The following NSMAF variants were observed in gnomAD, a reference collection of about 807,000 sequenced individuals.
NSMAF encodes neutral sphingomyelinase activation associated factor.
A neutral mutation model predicts 134.9 loss-of-function variants in NSMAF; 90 were observed. That is an observed-to-expected ratio of 0.67 (90% CI 0.56 to 0.79). NSMAF has a LOEUF of 0.79. NSMAF is among the 30% of genes least tolerant of loss of function. The probability of loss-of-function intolerance (pLI) is 0.00; values close to 1 mark genes in which losing one functional copy is unlikely to be tolerated. For synonymous variants in NSMAF, 358 were observed against 389.6 expected (o/e 0.92, Z 0.96); for missense variants, 1,010 against 1,119.0 (o/e 0.90, Z 1.39).
chr8:58,585,985 A>G lies in NSMAF; in HGVS notation c.2462T>C (p.Leu821Pro). 6.2e-7 allele frequency: 1 copy of G among 1,613,890 alleles called. No individual in the cohort carries two copies. The highest frequency in any genetic ancestry group is 8.5e-7 in the Non-Finnish European group (1 of 1,179,836). ...TAFSPDSRHV[L>P]STGTDGCLNV... Reference sequence around the variant, plus strand: ...AAGACAGCCATCTGTTCCTGTGCTGAGGACATGGCGACTATCTGCAACACA... The same window carrying G: ...AAGACAGCCATCTGTTCCTGTGCTGGGGACATGGCGACTATCTGCAACACA... The change falls in exon 29 of 31, where the codon CTC becomes CCC. Residue 821 changes from leucine (L) to proline (P), a missense_variant. Coordinates refer to ENST00000038176, the MANE Select transcript of NSMAF (RefSeq NM_003580.4).
At chr8:58,625,750 T>G (rs1806915371) in intron 6 of NSMAF, among the ~76,000 whole-genome samples, 1 of 152,154 alleles carries the variant, frequency 6.6e-6, no homozygotes, top group African/African-American at 2.4e-5. Flanking sequence ...CACTCCATAT[T>G]TTTTGATTGG....
chr8:58,619,527 A>C (rs1159406499), intron 9 of NSMAF, among the ~76,000 whole-genome samples: 1 of 152,226 alleles, frequency 6.6e-6, no homozygotes, highest in African/African-American at 2.4e-5. Flanking sequence ...ATTCATAGAT[A>C]AGATTTTGTA....
rs543189517 is a variant in NSMAF at position 58,651,108 on chromosome 8, T to G, written c.60-8035A>C. Among the ~76,000 whole-genome samples, 114 of 152,334 alleles carry G rather than the reference T, an allele frequency of 7.5e-4. 1 individual carries two copies. Among genetic ancestry groups the G allele is most frequent in the African/African-American group, 2.7e-3 (112 of 41,596 alleles). On this transcript the variant is annotated intron_variant, in intron 1 of 30. Transcript: ENST00000038176. ...CTCCTGGCAGGTCTTTCCTTTTCAA[T>G]AGGTCTGCAGCTTTTCAACACTAGA...
intron 12 of NSMAF, 29 bp downstream of exon 12, chr8:58,605,898 A>C: frequency 6.6e-7 from 1 of 1,521,716 alleles, no homozygotes; most frequent in Middle Eastern, 1.8e-4. Context: ...AAAAAAAAAG[A>C]AAGAAACAAT....
intron 2 of NSMAF, chr8:58,637,332 G>C: frequency 2.2e-6 from 1 of 456,194 alleles, no homozygotes; most frequent in South Asian, 1.5e-5. Flanking sequence ...CTTTCAGTGG[G>C]AAGTGGTATT....
At position 58,659,824 on chromosome 8, in the gene NSMAF, A is replaced by G. The variant is rs2129149711; in HGVS notation, c.-193T>C. 1 of 298,218 alleles carries G rather than the reference A, an allele frequency of 3.4e-6. No individual in the cohort carries two copies. The highest frequency in any genetic ancestry group is 1.6e-4 in the South Asian group (1 of 6,252). The allele number at this position is 298,218 out of a possible 1,614,324, so 18.5% of individuals were successfully genotyped here. A position where few individuals can be genotyped will look rare whatever the true frequency, so the allele number is the denominator to read the frequency against. On this transcript the variant is annotated 5_prime_UTR_variant, in exon 1 of 31. The change abolishes an upstream ATG in the 5' untranslated region. Coordinates refer to ENST00000038176, the MANE Select transcript of NSMAF (RefSeq NM_003580.4). Reference sequence around the variant, plus strand: ...GCGTCCCGGCCGCGCTCACCGCAGCATCCTCGCGTGGGGACTCCGGCGGCA... The same window carrying G: ...GCGTCCCGGCCGCGCTCACCGCAGCGTCCTCGCGTGGGGACTCCGGCGGCA...
intron 9 of NSMAF, among the ~76,000 whole-genome samples, chr8:58,615,565 C>G (rs890842817): frequency 6.6e-6 from 1 of 152,144 alleles, no homozygotes; most frequent in Non-Finnish European, 1.5e-5. Context: ...GGAAGTTAAA[C>G]ATACTTCTAA....
intron 9 of NSMAF, among the ~76,000 whole-genome samples, chr8:58,614,738 T>C (rs1806618223): frequency 6.6e-6 from 1 of 152,176 alleles, no homozygotes; most frequent in Non-Finnish European, 1.5e-5. Context: ...CAATAAAAGA[T>C]TCTCCTGTTT....
At chr8:58,649,785 C>G (rs907273813) in intron 1 of NSMAF, among the ~76,000 whole-genome samples, 1 of 152,192 alleles carries the variant, frequency 6.6e-6, no homozygotes, top group African/African-American at 2.4e-5. Flanking sequence ...AGTAAAAGCT[C>G]CCTGAGGCTT....
chr8:58,646,939 G>A (rs750077142), intron 1 of NSMAF, among the ~76,000 whole-genome samples: 17 of 152,104 alleles, frequency 1.1e-4, no homozygotes, highest in Non-Finnish European at 1.9e-4. Context: ...CTAAAAAGAT[G>A]TTTTCCTATT....
In NSMAF at chr8:58,584,665, G is replaced by A. The variant is rs187703450; in HGVS notation, c.2660-465C>T. Reference sequence around the variant, plus strand: ...ATTTCATTTTTTTTGAAATAGTCTCGCTCTTGCTCTTACCCAGGCTGGAGT... The same window carrying A: ...ATTTCATTTTTTTTGAAATAGTCTCACTCTTGCTCTTACCCAGGCTGGAGT... On this transcript the variant is annotated intron_variant, in intron 30 of 30. Coordinates refer to ENST00000038176, the MANE Select transcript of NSMAF (RefSeq NM_003580.4). Among the ~76,000 whole-genome samples the A allele has an allele frequency of 4.5e-4, 68 of 152,140 alleles. 1 individual carries two copies. The East Asian group carries it at 0.012, about 26-fold the overall frequency.
intron 9 of NSMAF, among the ~76,000 whole-genome samples, chr8:58,614,238 C>G (rs755891276): frequency 1.2e-4 from 19 of 152,316 alleles, no homozygotes; most frequent in Non-Finnish European, 2.8e-4. Context: ...CAGCCCAGAC[C>G]TAGGAAAAGT....
At chr8:58,630,291 T>C (rs925917522) in intron 6 of NSMAF, among the ~76,000 whole-genome samples, 4 of 151,972 alleles carry the variant, frequency 2.6e-5, no homozygotes, top group Non-Finnish European at 5.9e-5. Context: ...TATTCTGCCA[T>C]CTTGCTGCTG....
chr8:58,585,657 T>C lies in NSMAF; in HGVS notation c.2654A>G (p.His885Arg). 6.2e-7 allele frequency: 1 copy of C among 1,610,190 alleles called. No individual in the cohort carries two copies. Among genetic ancestry groups the C allele is most frequent in the Non-Finnish European group, 8.5e-7 (1 of 1,176,408 alleles). Residue 885 changes from histidine to arginine, a missense_variant, in exon 30 of 31, where the codon CAC (histidine) becomes CGC (arginine). Physicochemically the swap from His to Arg is conservative, Grantham distance 29 (BLOSUM62 0). Transcript: ENST00000038176. ...GAKISERIQG[H>R]TGAVTCIWMN... ...CAACTGCAGTAGCTGCTTACCTGTG[T>C]GGCCCTGTATTCTCTCACTGATTTT... is the stretch of plus-strand genomic sequence containing the variant.
At chr8:58,596,903 C>T (rs1199465521) in intron 21 of NSMAF, among the ~76,000 whole-genome samples, 1 of 138,540 alleles carries the variant, frequency 7.2e-6, no homozygotes, top group Non-Finnish European at 1.5e-5. Flanking sequence ...TGCACTCCAG[C>T]GTGGGGGACA....
intron 16 of NSMAF, among the ~76,000 whole-genome samples, chr8:58,600,538 G>A (rs540188018): frequency 1.1e-3 from 152 of 144,060 alleles, no homozygotes; most frequent in African/African-American, 3.6e-3. Flanking sequence ...CAGGAGAATC[G>A]CTTGAACCCG....
chr8:58,615,703 T>G (rs1332541756), intron 9 of NSMAF, among the ~76,000 whole-genome samples: 1 of 152,190 alleles, frequency 6.6e-6, no homozygotes, highest in East Asian at 1.9e-4. Flanking sequence ...AATTATAAGT[T>G]TAAGTACTTC....
chr8:58,641,110 G>A (rs1188650773), intron 2 of NSMAF, among the ~76,000 whole-genome samples: 10 of 150,936 alleles, frequency 6.6e-5, no homozygotes, highest in African/African-American at 1.2e-4. Flanking sequence ...TAGCAGAGAC[G>A]AGGTTTCACC....
chr8:58,593,387 T>C (rs1806063370), intron 23 of NSMAF, among the ~76,000 whole-genome samples: 1 of 152,242 alleles, frequency 6.6e-6, no homozygotes, highest in Non-Finnish European at 1.5e-5. Flanking sequence ...CTGAGAGTAG[T>C]AATTCTGATT....
Sources: gnomAD v4.1 joint callset for allele counts (sites outside exome capture counted in the v4.1 genomes callset) on GRCh38, gnomAD v4.1.1 for gene constraint, MANE v1.5 for transcripts, NCBI Gene and HGNC (gene_info 2026-07-23, HGNC 2026-07-21) for gene names.